The following SLC4A10 variants were observed in gnomAD, a reference collection of about 807,000 sequenced individuals.
The protein encoded by SLC4A10 is sodium-driven chloride bicarbonate exchanger.
SLC4A10 carries 42 observed loss-of-function variants against 137.7 expected under a neutral mutation model. The observed-to-expected ratio is 0.30, with a 90% confidence interval of 0.24 to 0.39. The LOEUF is 0.39. Among genes scored for constraint, SLC4A10 ranks in the 10% least tolerant of loss-of-function variants. The probability of loss-of-function intolerance (pLI) is 1.00; values close to 1 mark genes in which losing one functional copy is unlikely to be tolerated. For missense variants in SLC4A10, 925 were observed against 1,355.0 expected (o/e 0.68, Z 4.98); for synonymous variants, 474 against 464.1 (o/e 1.02, Z -0.27).
intron 1 of SLC4A10, among the ~76,000 whole-genome samples, chr2:161,669,242 A>G (rs552758302): frequency 1.3e-5 from 2 of 151,992 alleles, no homozygotes; most frequent in East Asian, 3.9e-4. Context: ...AATTGGGATT[A>G]TGGGATCATG....
chr2:161,828,734 G>A (rs1356643981), intron 3 of SLC4A10, among the ~76,000 whole-genome samples: 1 of 117,620 alleles, frequency 8.5e-6, no homozygotes, highest in African/African-American at 3.1e-5. Context: ...GGTTCGGCTG[G>A]ATTCCAGCTT....
At position 161,815,231 on chromosome 2, in the gene SLC4A10, G is replaced by C. The variant is rs79631047; in HGVS notation, c.277+10636G>C. 3.1e-3 allele frequency among the ~76,000 whole-genome samples: 471 copies of C among 152,116 alleles called. 1 individual carries two copies. Among genetic ancestry groups the C allele is most frequent in the Non-Finnish European group, 4.9e-3 (335 of 67,996 alleles). Reference sequence around the variant, plus strand: ...TCCATTTATAATCCCCATGTGTTGAGGGAGGGACCTGTAATCCCCATGTGT... The same window carrying C: ...TCCATTTATAATCCCCATGTGTTGACGGAGGGACCTGTAATCCCCATGTGT... On this transcript the variant is annotated intron_variant, in intron 3 of 26. Coordinates refer to ENST00000446997, the MANE Select transcript of SLC4A10 (RefSeq NM_001178015.2).
chr2:161,656,013 C>T (rs575373755), intron 1 of SLC4A10, among the ~76,000 whole-genome samples: 27 of 152,054 alleles, frequency 1.8e-4, no homozygotes, highest in African/African-American at 5.3e-4. Flanking sequence ...GGGGTTTCAC[C>T]GTGTTGGTCA....
Position 161,879,259 on chromosome 2 carries a change from A to C in SLC4A10, c.1077A>C (p.Gln359His). ...GGTTGTCTCCAGCTGTATTGCTTCA[A>C]GGACTGGCTGAAGTCCCAATCCCAA... The part of the protein sequence containing the change: ...FVRLSPAVLL[Q>H]GLAEVPIPTR... Residue 359 changes from glutamine (Q) to histidine (H), a missense_variant, in exon 9 of 27, where the codon CAA becomes CAC. Gln to His is a conservative substitution (Grantham distance 24). Coordinates refer to ENST00000446997, the MANE Select transcript of SLC4A10 (RefSeq NM_001178015.2). 5 of 1,612,424 alleles carry C rather than the reference A, an allele frequency of 3.1e-6. No homozygotes were observed. Among genetic ancestry groups the C allele is most frequent in the Non-Finnish European group, 4.2e-6 (5 of 1,178,778 alleles).
chr2:161,670,301 C>CTT lies in SLC4A10; in HGVS notation c.48+45745_48+45746dup, dbSNP rs554834566. Among the ~76,000 whole-genome samples the CTT allele has an allele frequency of 1.7e-3, 247 of 146,354 alleles. 2 individuals carry two copies. Among genetic ancestry groups the CTT allele is most frequent in the East Asian group, 0.014 (69 of 4,988 alleles). ...TTCTTCTCTTCCTCCCTTTCATCTT[C>CTT]TTTTTTTTTTTCCATCCACAGGTTT... On this transcript the variant is annotated intron_variant, in intron 1 of 26. Coordinates refer to ENST00000446997, the MANE Select transcript of SLC4A10 (RefSeq NM_001178015.2).
Position 161,664,268 on chromosome 2 carries a change from C to T in SLC4A10, c.48+39702C>T, listed in dbSNP as rs556043449. Among the ~76,000 whole-genome samples the T allele has an allele frequency of 1.8e-4, 28 of 151,986 alleles. No individual in the cohort carries two copies. The South Asian group carries it at 2.1e-3, about 11-fold the overall frequency. On this transcript the variant is annotated intron_variant, in intron 1 of 26. Coordinates refer to ENST00000446997, the MANE Select transcript of SLC4A10 (RefSeq NM_001178015.2). Reference sequence around the variant, plus strand: ...ATGAAGCAACAAACAAAATAGTTGACGCTTTTGTGCAGTATTATCTTTGAA... The same window carrying T: ...ATGAAGCAACAAACAAAATAGTTGATGCTTTTGTGCAGTATTATCTTTGAA...
chr2:161,883,428 G>A (rs1387572077), intron 10 of SLC4A10, among the ~76,000 whole-genome samples: 2 of 152,080 alleles, frequency 1.3e-5, no homozygotes, highest in African/African-American at 2.4e-5. Flanking sequence ...ATGTTTTATA[G>A]TGTTATATGA....
At chr2:161,731,509 A>AG (rs1278992395) in intron 1 of SLC4A10, among the ~76,000 whole-genome samples, 4 of 152,194 alleles carry the variant, frequency 2.6e-5, no homozygotes, top group African/African-American at 9.6e-5. Context: ...TTTTCTTCAT[A>AG]GCAACACTGT....
chr2:161,625,800 G>A (rs2032231680), intron 1 of SLC4A10, among the ~76,000 whole-genome samples: 4 of 152,034 alleles, frequency 2.6e-5, no homozygotes, highest in Admixed American at 2.0e-4. Flanking sequence ...TGAGCAGGGA[G>A]GGAGCAGAGT....
chr2:161,769,189 A>G (rs991273354), intron 1 of SLC4A10, among the ~76,000 whole-genome samples: 2 of 151,968 alleles, frequency 1.3e-5, no homozygotes, highest in African/African-American at 4.8e-5. Flanking sequence ...TGACGACATT[A>G]CATCTAGAAT....
chr2:161,765,891 C>T (rs1044186932), intron 1 of SLC4A10, among the ~76,000 whole-genome samples: 20 of 152,048 alleles, frequency 1.3e-4, no homozygotes, highest in African/African-American at 3.6e-4. Flanking sequence ...CTTCATCATA[C>T]CCCATGTTTA....
At chr2:161,822,694 G>C (rs1405680652) in intron 3 of SLC4A10, among the ~76,000 whole-genome samples, 1 of 152,144 alleles carries the variant, frequency 6.6e-6, no homozygotes, top group Non-Finnish European at 1.5e-5. Context: ...AAATGTATGG[G>C]CCAGGCGCAG....
chr2:161,855,106 G>T lies in SLC4A10; in HGVS notation c.553G>T (p.Ala185Ser). ...LNGTVLLDMH[A>S]NTLEEIADMV... is the part of the protein sequence containing the mutation. The stretch of plus-strand genomic sequence containing the variant: ...TGGAACTGTGTTGCTGGACATGCAT[G>T]CCAACACTTTAGAAGAAATTGCAGG... Residue 185 changes from alanine to serine, a missense_variant, in exon 5 of 27, where the codon GCC (alanine) becomes TCC (serine). By Grantham distance (99) the Ala-to-Ser change is moderately conservative. Coordinates refer to ENST00000446997, the MANE Select transcript of SLC4A10 (RefSeq NM_001178015.2). 6.2e-7 allele frequency: 1 copy of T among 1,609,758 alleles called. No individual in the cohort carries two copies. Among genetic ancestry groups the T allele is most frequent in the African/African-American group, 1.3e-5 (1 of 74,834 alleles).
intron 2 of SLC4A10, among the ~76,000 whole-genome samples, chr2:161,784,346 G>A (rs60568303): frequency 0.019 from 2,928 of 151,716 alleles, 61 homozygotes; most frequent in African/African-American, 0.055. Flanking sequence ...CATTACCCAC[G>A]GGCAAAACAG....
intron 19 of SLC4A10, among the ~76,000 whole-genome samples, chr2:161,952,493 A>T (rs992852996): frequency 2.0e-5 from 3 of 152,244 alleles, no homozygotes; most frequent in Non-Finnish European, 4.4e-5. Flanking sequence ...TCACTGAAAT[A>T]AACCTGAGGC....
chr2:161,855,237 T>A (rs2060036102), intron 5 of SLC4A10, 107 bp downstream of exon 5: 2 of 1,056,720 alleles, frequency 1.9e-6, no homozygotes, highest in Admixed American at 2.9e-5. Flanking sequence ...CTAATTCTCA[T>A]AATCACTGCA....
intron 1 of SLC4A10, among the ~76,000 whole-genome samples, chr2:161,680,261 T>G (rs939852349): frequency 1.3e-5 from 2 of 152,198 alleles, no homozygotes; most frequent in African/African-American, 4.8e-5. Context: ...TTGCTGTCAT[T>G]CATACTTAAT....
intron 15 of SLC4A10, among the ~76,000 whole-genome samples, chr2:161,928,413 C>A (rs891740762): frequency 1.4e-5 from 2 of 147,382 alleles, no homozygotes; most frequent in Non-Finnish European, 3.0e-5. Context: ...AGGAGATATA[C>A]CTAATGCTAA....
At chr2:161,929,822 A>G (rs1270202031) in intron 15 of SLC4A10, among the ~76,000 whole-genome samples, 1 of 152,080 alleles carries the variant, frequency 6.6e-6, no homozygotes, top group African/African-American at 2.4e-5. Context: ...TTATTTTTAC[A>G]TTTGTTTTCA....
Sources: allele counts gnomAD v4.1 joint callset (sites outside exome capture counted in the v4.1 genomes callset), GRCh38; gene constraint gnomAD v4.1.1; transcripts MANE v1.5; gene names NCBI Gene and HGNC (gene_info 2026-07-23, HGNC 2026-07-21).